The following RAD51B variants were observed in gnomAD, a reference collection of about 807,000 sequenced individuals.
RAD51B encodes the protein RAD51 paralog B.
A neutral mutation model predicts 42.2 loss-of-function variants in RAD51B; 38 were observed. That is an observed-to-expected ratio of 0.90 (90% CI 0.70 to 1.18). RAD51B has a LOEUF of 1.18. RAD51B is among the 50% of genes most tolerant of loss of function. The pLI, the probability that RAD51B is intolerant of heterozygous loss-of-function variation, is 0.00. For missense variants in RAD51B, 373 were observed against 400.7 expected, an observed-to-expected ratio of 0.93 and a Z score of 0.59; for synonymous variants, 154 against 145.2, an observed-to-expected ratio of 1.06 and a Z score of -0.43.
chr14:68,117,418 C>T (rs1415938158), intron 7 of RAD51B, among the ~76,000 whole-genome samples: 2 of 152,072 alleles, frequency 1.3e-5, no homozygotes, highest in African/African-American at 4.8e-5. Context: ...ATAGAATATA[C>T]TATGGGACCA....
At chr14:68,147,172 C>T (rs554533052) in intron 7 of RAD51B, among the ~76,000 whole-genome samples, 1 of 152,284 alleles carries the variant, frequency 6.6e-6, no homozygotes, top group Non-Finnish European at 1.5e-5. Flanking sequence ...ATTTTAAAAA[C>T]ATCAACTGAG....
chr14:68,393,321 C>T (rs1440664811), intron 8 of RAD51B, among the ~76,000 whole-genome samples: 4 of 152,130 alleles, frequency 2.6e-5, no homozygotes, highest in African/African-American at 7.2e-5. Context: ...TTCAGTGCAC[C>T]GTCAAACTAG....
At chr14:68,074,442 G>A (rs142957263) in intron 7 of RAD51B, among the ~76,000 whole-genome samples, 41 of 152,180 alleles carry the variant, frequency 2.7e-4, no homozygotes, top group African/African-American at 8.9e-4. Context: ...GATTGGATTC[G>A]TCAGATTCAT....
chr14:68,225,185 T>C (rs1213399567), intron 7 of RAD51B, among the ~76,000 whole-genome samples: 1 of 152,228 alleles, frequency 6.6e-6, no homozygotes, highest in Non-Finnish European at 1.5e-5. Flanking sequence ...AAATTGTACT[T>C]CAGCAACTCA....
At chr14:68,355,264 T>G (rs1276122847) in intron 8 of RAD51B, among the ~76,000 whole-genome samples, 4 of 152,196 alleles carry the variant, frequency 2.6e-5, no homozygotes, top group Non-Finnish European at 5.9e-5. Context: ...AATACAAATT[T>G]TATTGAGTGG....
chr14:68,587,302 G>C (rs561483090), intron 10 of RAD51B, among the ~76,000 whole-genome samples: 2 of 152,124 alleles, frequency 1.3e-5, no homozygotes, highest in African/African-American at 2.4e-5. Flanking sequence ...CCTCCTTTCT[G>C]TGGAATGCAG....
At chr14:68,616,696 T>C (rs1450883398) in intron 10 of RAD51B, among the ~76,000 whole-genome samples, 2 of 152,210 alleles carry the variant, frequency 1.3e-5, no homozygotes, top group African/African-American at 2.4e-5. Context: ...TCTTTTTTCT[T>C]TTTCAATTAT....
At chr14:67,940,259 A>G (rs548489353) in intron 7 of RAD51B, among the ~76,000 whole-genome samples, 1 of 150,218 alleles carries the variant, frequency 6.7e-6, no homozygotes, top group South Asian at 2.1e-4. Context: ...TTTTTAGTAG[A>G]GATGGGGTTT....
intron 7 of RAD51B, among the ~76,000 whole-genome samples, chr14:68,055,896 A>G (rs1156551484): frequency 6.6e-6 from 1 of 152,158 alleles, no homozygotes; most frequent in Admixed American, 6.5e-5. Flanking sequence ...CTCCAATTCA[A>G]TATGGAAGAA....
At chr14:68,502,933 A>T (rs1056592080) in intron 10 of RAD51B, among the ~76,000 whole-genome samples, 4 of 152,152 alleles carry the variant, frequency 2.6e-5, no homozygotes, top group Non-Finnish European at 5.9e-5. Context: ...GGCTAGATCC[A>T]GGGTGATGTG....
At chr14:67,907,918 C>T (rs17783214) in intron 7 of RAD51B, among the ~76,000 whole-genome samples, 11,409 of 152,186 alleles carry the variant, frequency 0.075, 639 homozygotes, top group Non-Finnish European at 0.12. Context: ...CTTATTCCTT[C>T]TTCATGCCTC....
At chr14:68,444,646 C>T (rs932405726) in intron 9 of RAD51B, among the ~76,000 whole-genome samples, 1 of 152,168 alleles carries the variant, frequency 6.6e-6, no homozygotes, top group Non-Finnish European at 1.5e-5. Context: ...AAGTCAGCTC[C>T]ATGGGAAAGA....
At chr14:67,955,712 A>G (rs1255104830) in intron 7 of RAD51B, among the ~76,000 whole-genome samples, 1 of 152,248 alleles carries the variant, frequency 6.6e-6, no homozygotes, top group Non-Finnish European at 1.5e-5. Flanking sequence ...AATTAATTGT[A>G]TTTAATGAAC....
rs181171125 is a variant in RAD51B, at chr14:68,395,877, T to G, written c.854-15547T>G. 3.9e-5 allele frequency among the ~76,000 whole-genome samples: 6 copies of G among 152,292 alleles called. No individual in the cohort carries two copies. In the East Asian group the frequency reaches 9.7e-4, roughly 24 times the overall value. On this transcript the variant is annotated intron_variant, in intron 8 of 10. Transcript: ENST00000471583. ...GACAGAATCATTTACTTCAAAAAAT[T>G]TTTAACACATGATTCTTCTGTTTTT...
chr14:68,446,248 T>C (rs1015460146), intron 9 of RAD51B, among the ~76,000 whole-genome samples: 1 of 152,168 alleles, frequency 6.6e-6, no homozygotes, highest in African/African-American at 2.4e-5. Flanking sequence ...GCTATGGAGA[T>C]TATGAAGTGC....
At chr14:68,394,497 C>T (rs1467531652) in intron 8 of RAD51B, among the ~76,000 whole-genome samples, 1 of 147,782 alleles carries the variant, frequency 6.8e-6, no homozygotes, top group Non-Finnish European at 1.5e-5. Flanking sequence ...TTGCCACCAA[C>T]TCATTTTTGT....
At chr14:68,677,142 C>T (rs1283163073) in intron 11 of RAD51B, among the ~76,000 whole-genome samples, 4 of 152,170 alleles carry the variant, frequency 2.6e-5, no homozygotes, top group Admixed American at 2.6e-4. Flanking sequence ...TATTCCAGGT[C>T]TATCTTCCCA....
chr14:67,943,745 G>T (rs1464868322), intron 7 of RAD51B, among the ~76,000 whole-genome samples: 1 of 152,092 alleles, frequency 6.6e-6, no homozygotes, highest in Non-Finnish European at 1.5e-5. Flanking sequence ...TTATTATTAT[G>T]ACTGTACTTC....
At chr14:68,262,574 AG>A (rs1363459537) in intron 7 of RAD51B, among the ~76,000 whole-genome samples, 2 of 152,190 alleles carry the variant, frequency 1.3e-5, no homozygotes, top group Non-Finnish European at 2.9e-5. Context: ...CAGTTTGTTT[AG>A]GAGGTTAATA....
Sources: gnomAD v4.1 joint callset for allele counts (sites outside exome capture counted in the v4.1 genomes callset) on GRCh38, gnomAD v4.1.1 for gene constraint, MANE v1.5 for transcripts, NCBI Gene and HGNC (gene_info 2026-07-23, HGNC 2026-07-21) for gene names.